Variants in SGCE observed in about 807,000 individuals in gnomAD.
The protein encoded by SGCE is sarcoglycan epsilon, also known as epsilon-sarcoglycan.
Under a neutral mutation model 57.8 loss-of-function variants are expected in SGCE, and 26 were observed. The ratio of observed to expected loss-of-function variants is 0.45; its 90% CI spans 0.33 to 0.62. The LOEUF is 0.62. Among genes scored for constraint, SGCE ranks in the 20% least tolerant of loss-of-function variants. The pLI is 0.02. For missense variants in SGCE, 468 were observed against 548.6 expected (o/e 0.85, Z 1.47); for synonymous variants, 183 against 189.5 (o/e 0.97, Z 0.28).
intron 5 of SGCE, among the ~76,000 whole-genome samples, chr7:94,612,605 A>G (rs985230877): frequency 1.1e-4 from 16 of 152,190 alleles, no homozygotes; most frequent in African/African-American, 3.6e-4. Context: ...ATAATATTAC[A>G]AAGACTATCT....
chr7:94,623,435 G>A (rs755426468), intron 3 of SGCE, 38 bp from the exon 4 acceptor site: 2 of 1,279,420 alleles, frequency 1.6e-6, no homozygotes, highest in Non-Finnish European at 2.3e-6. Flanking sequence ...GAAGTGAAAT[G>A]TTCTTTGTAA....
At chr7:94,653,562 T>C (rs1808176195) in intron 1 of SGCE, among the ~76,000 whole-genome samples, 1 of 152,122 alleles carries the variant, frequency 6.6e-6, no homozygotes, top group South Asian at 2.1e-4. Flanking sequence ...GTTTTGGTTT[T>C]GAAAATGTTT....
chr7:94,642,476 T>A (rs1313784510), intron 1 of SGCE, among the ~76,000 whole-genome samples: 3 of 152,132 alleles, frequency 2.0e-5, no homozygotes, highest in African/African-American at 7.2e-5. Flanking sequence ...TATTCACATG[T>A]ACCCCCAAAA....
At chr7:94,632,106 T>G (rs1220483235) in intron 1 of SGCE, among the ~76,000 whole-genome samples, 1 of 152,058 alleles carries the variant, frequency 6.6e-6, no homozygotes, top group Non-Finnish European at 1.5e-5. Flanking sequence ...GGGATAGCAT[T>G]CTGTAGATTA....
At chr7:94,641,408 A>C (rs952109858) in intron 1 of SGCE, among the ~76,000 whole-genome samples, 2 of 152,200 alleles carry the variant, frequency 1.3e-5, no homozygotes, top group Admixed American at 1.3e-4. Context: ...AGCAAGGTGG[A>C]CAGAAGGTTG....
intron 5 of SGCE, among the ~76,000 whole-genome samples, chr7:94,606,524 T>G (rs905729361): frequency 3.3e-5 from 5 of 152,196 alleles, no homozygotes; most frequent in Non-Finnish European, 7.4e-5. Flanking sequence ...AATCCACTAT[T>G]ATAGCTGGAC....
chr7:94,646,243 A>G (rs1219196762), intron 1 of SGCE, among the ~76,000 whole-genome samples: 1 of 152,254 alleles, frequency 6.6e-6, no homozygotes, highest in Non-Finnish European at 1.5e-5. Context: ...AGAGGAAGCA[A>G]TGCAGCAAAA....
intron 1 of SGCE, among the ~76,000 whole-genome samples, chr7:94,652,048 G>A (rs1044092636): frequency 1.4e-4 from 22 of 152,012 alleles, no homozygotes; most frequent in African/African-American, 4.4e-4. Flanking sequence ...CCTGAATGGA[G>A]TGTGCGTTAG....
At chr7:94,603,481 C>G (rs1799592417) in intron 5 of SGCE, 29 bp from the exon 6 acceptor site, 1 of 1,606,652 alleles carries the variant, frequency 6.2e-7, no homozygotes, top group Non-Finnish European at 8.5e-7. Flanking sequence ...CTCAGGTTAT[C>G]CTTTAAGAAA....
At chr7:94,603,079 A>T (rs1799526671) in intron 6 of SGCE, among the ~76,000 whole-genome samples, 2 of 152,136 alleles carry the variant, frequency 1.3e-5, no homozygotes, top group South Asian at 4.1e-4. Flanking sequence ...CCAGCAATTA[A>T]TCAAGGATAG....
intron 1 of SGCE, among the ~76,000 whole-genome samples, chr7:94,633,402 G>C (rs946413080): frequency 6.6e-6 from 1 of 152,104 alleles, no homozygotes; most frequent in Admixed American, 6.6e-5. Context: ...TCTGAGTAGA[G>C]AGAGCCAAAG....
chr7:94,601,991 A>G (rs542165197), intron 6 of SGCE, among the ~76,000 whole-genome samples: 3 of 152,274 alleles, frequency 2.0e-5, no homozygotes, highest in Admixed American at 1.3e-4. Flanking sequence ...AAAATTCCCA[A>G]CCTTTCCACT....
chr7:94,630,500 A>G (rs530869878), intron 1 of SGCE, among the ~76,000 whole-genome samples: 184 of 152,076 alleles, frequency 1.2e-3, no homozygotes, highest in Non-Finnish European at 1.8e-3. Flanking sequence ...GCTGCATCCT[A>G]AATAAGCAAT....
At chr7:94,606,888 A>G (rs551879228) in intron 5 of SGCE, among the ~76,000 whole-genome samples, 2 of 152,328 alleles carry the variant, frequency 1.3e-5, no homozygotes, top group African/African-American at 4.8e-5. Context: ...GAAATCTTGG[A>G]TGAAACTTGA....
At position 94,593,864 on chromosome 7, in the gene SGCE, C is replaced by G. The variant is rs562012787; in HGVS notation, c.1253+4911G>C. The stretch of plus-strand genomic sequence containing the variant: ...CTTCTTACTCAGAGCTCTGGATTTT[C>G]CAATCCTGAAACTTAAGTCTTTTGA... On this transcript the variant is annotated intron_variant, in intron 9 of 10. Transcript: ENST00000648936. Among the ~76,000 whole-genome samples, 4 of 152,188 alleles carry G rather than the reference C, an allele frequency of 2.6e-5. No individual in the cohort carries two copies. In the South Asian group the frequency reaches 8.3e-4, roughly 32 times the overall value.
At chr7:94,637,655 C>T (rs1280448532) in intron 1 of SGCE, among the ~76,000 whole-genome samples, 1 of 152,154 alleles carries the variant, frequency 6.6e-6, no homozygotes, top group African/African-American at 2.4e-5. Context: ...TAATAGATGA[C>T]TCTGCTGAGT....
intron 1 of SGCE, among the ~76,000 whole-genome samples, chr7:94,642,598 A>G (rs1309362865): frequency 6.6e-6 from 1 of 152,234 alleles, no homozygotes; most frequent in Non-Finnish European, 1.5e-5. Flanking sequence ...TGTGAACTCT[A>G]GAAGACAGAG....
At chr7:94,586,165 G>T (rs955697888) in intron 10 of SGCE, among the ~76,000 whole-genome samples, 13 of 147,346 alleles carry the variant, frequency 8.8e-5, no homozygotes, top group African/African-American at 3.3e-4. Flanking sequence ...TATCCAAGAC[G>T]CAAACTCTTG....
intron 9 of SGCE, chr7:94,598,040 TATAA>T (rs1249386562): frequency 6.1e-6 from 1 of 164,876 alleles, no homozygotes; most frequent in Non-Finnish European, 1.3e-5. Flanking sequence ...GACATATTCT[TATAA>T]ATAACAGTTT....
Sources: gnomAD v4.1 joint callset for allele counts (sites outside exome capture counted in the v4.1 genomes callset) on GRCh38, gnomAD v4.1.1 for gene constraint, MANE v1.5 for transcripts, NCBI Gene and HGNC (gene_info 2026-07-23, HGNC 2026-07-21) for gene names.